PCDHGA1: variants seen among roughly 807,000 people sequenced by gnomAD.
PCDHGA1 encodes the protein protocadherin gamma subfamily A, 1, also known as protocadherin gamma-A1.
PCDHGA1 carries 32 observed loss-of-function variants against 58.0 expected under a neutral mutation model. The observed-to-expected ratio is 0.55, with a 90% CI of 0.42 to 0.74. PCDHGA1 has a LOEUF of 0.74. Among genes scored for constraint, PCDHGA1 ranks in the 30% least tolerant of loss-of-function variants. The probability of loss-of-function intolerance (pLI) is 0.00; values close to 1 mark genes in which losing one functional copy is unlikely to be tolerated. For synonymous variants in PCDHGA1, 498 were observed against 501.1 expected, an observed-to-expected ratio of 0.99 and a Z score of 0.08; for missense variants, 1,205 against 1,182.3, an observed-to-expected ratio of 1.02 and a Z score of -0.28.
Position 141,398,900 on chromosome 5 carries a change from G to A in PCDHGA1, c.2421+65795G>A, listed in dbSNP as rs765284630. Reference sequence around the variant, plus strand: ...AGCCTTCGGGAAAACGTGCCACCAGGCACCACTGTGTTGCAAGTGTCAGCC... The same window carrying A: ...AGCCTTCGGGAAAACGTGCCACCAGACACCACTGTGTTGCAAGTGTCAGCC... On this transcript the variant is annotated intron_variant, in intron 1 of 3. Coordinates refer to ENST00000517417, the MANE Select transcript of PCDHGA1 (RefSeq NM_018912.3). The A allele has an allele frequency of 3.1e-6, 5 of 1,613,846 alleles. No individual in the cohort carries two copies. In the East Asian group the frequency reaches 6.7e-5, roughly 22 times the overall value.
At position 141,493,841 on chromosome 5, in the gene PCDHGA1, T is replaced by C. The variant is rs774682943; in HGVS notation, c.2422-966T>C. On this transcript the variant is annotated intron_variant, in intron 1 of 3. Transcript: ENST00000517417. The surrounding 1 kb of genome is among the most constrained non-coding windows in gnomAD (Gnocchi z 4.3). ...CTCTGCTTCTGGGAGCAAGTATGAGTATTAATTACCAGCCCACCCCAGAAC... is the reference window on the plus strand; with the variant it reads ...CTCTGCTTCTGGGAGCAAGTATGAGCATTAATTACCAGCCCACCCCAGAAC... Among the ~76,000 whole-genome samples the C allele has an allele frequency of 3.3e-5, 5 of 152,140 alleles. No homozygotes were observed. In the East Asian group the frequency reaches 9.7e-4, roughly 29 times the overall value.
At chr5:141,460,951 G>GTATATATA (rs200454978) in intron 1 of PCDHGA1, among the ~76,000 whole-genome samples, 42 of 139,772 alleles carry the variant, frequency 3.0e-4, no homozygotes, top group African/African-American at 1.1e-3. Context: ...TATGTATTAT[G>GTATATATA]TATATATATA....
chr5:141,367,022 A>G (rs1764910545), intron 1 of PCDHGA1: 1 of 407,704 alleles, frequency 2.5e-6, no homozygotes, highest in African/African-American at 2.1e-5. Flanking sequence ...ATTTTGTTAT[A>G]TTGGAACTGC....
intron 1 of PCDHGA1, among the ~76,000 whole-genome samples, chr5:141,381,826 C>CTTTTTTTTTTTTTTTTT (rs770630741): frequency 6.7e-5 from 5 of 74,282 alleles, no homozygotes; most frequent in Admixed American, 1.9e-4. Flanking sequence ...CTTTCTTCTT[C>CTTTTTTTTTTTTTTTTT]TTTTTTTTTT....
chr5:141,375,378 T>G, intron 1 of PCDHGA1: 1 of 1,613,954 alleles, frequency 6.2e-7, no homozygotes, highest in Non-Finnish European at 8.5e-7. Context: ...ACACCACCTC[T>G]GTCTACAGAA....
In PCDHGA1 at chr5:141,487,241, A is replaced by G. The variant is rs753291480; in HGVS notation, c.2422-7566A>G. ...TCCAAGGGAAGGAGAATCTCGTCTA[A>G]CCCTCTACTTGGCTGTGTCCCTAGT... On this transcript the variant is annotated intron_variant, in intron 1 of 3. Transcript: ENST00000517417. The surrounding 1 kb of genome is among the most constrained non-coding windows in gnomAD (Gnocchi z 5.0). 2 of 1,613,876 alleles carry G rather than the reference A, an allele frequency of 1.2e-6. No homozygotes were observed. The highest frequency in any genetic ancestry group is 3.3e-5 in the Admixed American group (2 of 59,988).
At chr5:141,437,011 T>C (rs2097858173) in intron 1 of PCDHGA1, among the ~76,000 whole-genome samples, 1 of 152,236 alleles carries the variant, frequency 6.6e-6, no homozygotes, top group Non-Finnish European at 1.5e-5. Flanking sequence ...GGATCTTAGA[T>C]AATTTCACCA....
chr5:141,467,055 CTTTT>C (rs1193465269), intron 1 of PCDHGA1, among the ~76,000 whole-genome samples: 5 of 134,484 alleles, frequency 3.7e-5, no homozygotes, highest in Non-Finnish European at 4.9e-5. Context: ...TCAATGTTTT[CTTTT>C]TTTTTTTTTT....
intron 1 of PCDHGA1, chr5:141,346,498 A>G: frequency 6.2e-7 from 1 of 1,611,398 alleles, no homozygotes; most frequent in Non-Finnish European, 8.5e-7. Flanking sequence ...AACAAATATG[A>G]GAATGTGGTT....
In PCDHGA1 at chr5:141,332,875, G is replaced by A. The variant is rs568434037; in HGVS notation, c.2191G>A (p.Gly731Ser). The A allele has an allele frequency of 6.2e-6, 10 of 1,614,226 alleles. No individual in the cohort carries two copies. Among genetic ancestry groups the A allele is most frequent in the Middle Eastern group, 1.6e-4 (1 of 6,062 alleles). The change falls in exon 1 of 4, where the codon GGC (glycine) becomes AGC (serine). Residue 731 changes from glycine (G) to serine (S), a missense_variant. By Grantham distance (56) the Gly-to-Ser change is moderately conservative (BLOSUM62 0). Coordinates refer to ENST00000517417, the MANE Select transcript of PCDHGA1 (RefSeq NM_018912.3). The surrounding 1 kb of genome is among the most constrained non-coding windows in gnomAD (Gnocchi z 4.6). ...ACGTCTGCTACAGGCTTCGGGAGGCGGCTTAGCGAGCATGCCCGGTTCGCA... is the reference window on the plus strand; with the variant it reads ...ACGTCTGCTACAGGCTTCGGGAGGCAGCTTAGCGAGCATGCCCGGTTCGCA... ...KSRLLQASGGGLASMPGSHFV... is the reference protein window; with the variant it reads ...KSRLLQASGGSLASMPGSHFV...
chr5:141,430,705 T>C (rs914464861), intron 1 of PCDHGA1: 3 of 1,477,958 alleles, frequency 2.0e-6, no homozygotes, highest in African/African-American at 2.8e-5. Flanking sequence ...AAGGAACTGC[T>C]CCTGACTTCA....
At chr5:141,389,778 G>A (rs886099464) in intron 1 of PCDHGA1, 3 of 1,613,134 alleles carry the variant, frequency 1.9e-6, no homozygotes, top group Non-Finnish European at 2.5e-6. Flanking sequence ...TGCCTTAGGC[G>A]ACAGGGACGC....
intron 1 of PCDHGA1, among the ~76,000 whole-genome samples, chr5:141,373,448 A>G (rs1222167588): frequency 6.6e-6 from 1 of 152,218 alleles, no homozygotes; most frequent in Non-Finnish European, 1.5e-5. Flanking sequence ...CCTTGATCCC[A>G]GGAGGTAGCA....
chr5:141,400,717 G>C (rs2094065619), intron 1 of PCDHGA1: 1 of 672,320 alleles, frequency 1.5e-6, no homozygotes. Context: ...TAGCCTTATA[G>C]ATTTACAAAG....
rs764579211 is a variant in PCDHGA1 at position 141,489,393 on chromosome 5, T to C, written c.2422-5414T>C. 1.9e-5 allele frequency: 30 copies of C among 1,614,098 alleles called. No individual in the cohort carries two copies. In the South Asian group the frequency reaches 3.3e-4, roughly 18 times the overall value. On this transcript the variant is annotated intron_variant, in intron 1 of 3. Coordinates refer to ENST00000517417, the MANE Select transcript of PCDHGA1 (RefSeq NM_018912.3). The surrounding 1 kb of genome is among the most constrained non-coding windows in gnomAD (Gnocchi z 4.5). ...CGCTGGTGGGGAATGTTGCTCAGGA[T>C]CTGGGCTTAAAGATGACAGATCTGT...
intron 2 of PCDHGA1, among the ~76,000 whole-genome samples, chr5:141,497,478 C>T (rs974494984): frequency 6.0e-5 from 9 of 150,954 alleles, no homozygotes; most frequent in South Asian, 4.2e-4. Context: ...GGAGAAGGTG[C>T]GGAACCTCTC....
Position 141,431,479 on chromosome 5 carries a change from A to T in PCDHGA1, c.2422-63328A>T. 1 of 1,613,892 alleles carries T rather than the reference A, an allele frequency of 6.2e-7. No individual in the cohort carries two copies. Among genetic ancestry groups the T allele is most frequent in the South Asian group, 1.1e-5 (1 of 91,092 alleles). On this transcript the variant is annotated intron_variant, in intron 1 of 3. Transcript: ENST00000517417. This position sits in a 1 kb window ranked among gnomAD's most constrained non-coding sequence, Gnocchi z 4.8. ...TTCTGGATGCGAACGACAACGCACC[A>T]GCGTTTGCTCAGCCCGAGTACCGCG...
Position 141,354,886 on chromosome 5 carries a change from C to T in PCDHGA1, c.2421+21781C>T, listed in dbSNP as rs1759661341. The T allele has an allele frequency of 1.1e-5, 4 of 380,470 alleles. No individual in the cohort carries two copies. The East Asian group carries it at 1.6e-4, about 15-fold the overall frequency. The allele number at this position is 380,470 out of a possible 1,614,324, so 23.6% of individuals were successfully genotyped here. ...AAAAACAGGAATTTGACTTTATTAT[C>T]TTGGGAGAAATAGGAATAGAAAAGT... is the stretch of plus-strand genomic sequence containing the variant. On this transcript the variant is annotated intron_variant, in intron 1 of 3. Transcript: ENST00000517417.
chr5:141,412,930 C>A, intron 1 of PCDHGA1: 1 of 451,594 alleles, frequency 2.2e-6, no homozygotes, highest in Non-Finnish European at 3.9e-6. Context: ...GCAGTAACTT[C>A]TTAGGACTCT....
Sources: allele counts gnomAD v4.1 joint callset (sites outside exome capture counted in the v4.1 genomes callset), GRCh38; gene constraint gnomAD v4.1.1; non-coding constraint Gnocchi (gnomAD v3.1); transcripts MANE v1.5; gene names NCBI Gene and HGNC (gene_info 2026-07-23, HGNC 2026-07-21).